Variants in SNX2 observed in about 807,000 individuals in gnomAD.
The protein encoded by SNX2 is sorting nexin 2, also known as sorting nexin-2.
SNX2 carries 25 observed loss-of-function variants against 69.9 expected under a neutral mutation model. That is an observed-to-expected ratio of 0.36 (90% CI 0.26 to 0.50). The LOEUF (loss-of-function observed/expected upper bound fraction) is 0.50, where lower values mean the gene tolerates loss of function less well. Ranked by LOEUF, SNX2 falls within the 20% of genes least tolerant of loss-of-function variation. The pLI is 0.97. For missense variants in SNX2, 551 were observed against 613.3 expected (o/e 0.90, Z 1.07); for synonymous variants, 229 against 200.4 (o/e 1.14, Z -1.20).
chr5:122,786,156 A>C (rs1435389291), intron 1 of SNX2, among the ~76,000 whole-genome samples: 2 of 152,110 alleles, frequency 1.3e-5, no homozygotes, highest in East Asian at 3.8e-4. Context: ...TGAAGTTTAC[A>C]CCCTCTGATG....
intron 11 of SNX2, among the ~76,000 whole-genome samples, chr5:122,820,629 C>G (rs1376758025): frequency 6.6e-6 from 1 of 152,100 alleles, no homozygotes; most frequent in African/African-American, 2.4e-5. Flanking sequence ...ATATTGATCC[C>G]TCAAAAATAG....
intron 1 of SNX2, among the ~76,000 whole-genome samples, chr5:122,793,126 A>T (rs1753283238): frequency 6.6e-6 from 1 of 152,200 alleles, no homozygotes; most frequent in Non-Finnish European, 1.5e-5. Context: ...TCTTAGGTTT[A>T]TACAAACATT....
chr5:122,799,548 C>T, intron 2 of SNX2, 144 bp from the exon 3 acceptor site: 4 of 515,542 alleles, frequency 7.8e-6, no homozygotes, highest in South Asian at 4.3e-5. Flanking sequence ...CATAAAATTC[C>T]TTTGTGATAA....
rs187786586 is a variant in SNX2 at position 122,782,938 on chromosome 5, T to A, written c.108+7727T>A. ...TGTTTTTTGTTTTGTTTCTTTGTTT[T>A]TGTTTTTTGTTTTTGTTGAGATGGA... On this transcript the variant is annotated intron_variant, in intron 1 of 14. Coordinates refer to ENST00000379516, the MANE Select transcript of SNX2 (RefSeq NM_003100.4). Among the ~76,000 whole-genome samples the A allele has an allele frequency of 2.8e-4, 42 of 152,040 alleles. No homozygotes were observed. The East Asian group carries it at 5.0e-3, about 18-fold the overall frequency.
intron 1 of SNX2, among the ~76,000 whole-genome samples, chr5:122,790,640 T>G (rs541729269): frequency 6.6e-6 from 1 of 152,244 alleles, no homozygotes; most frequent in East Asian, 1.9e-4. Context: ...GACAGTTCAC[T>G]TTGGTTGGGC....
intron 2 of SNX2, among the ~76,000 whole-genome samples, chr5:122,796,827 C>T (rs1753389599): frequency 6.6e-6 from 1 of 152,056 alleles, no homozygotes; most frequent in South Asian, 2.1e-4. Context: ...TGTTTGTGTA[C>T]ATGCAAGGTT....
intron 1 of SNX2, among the ~76,000 whole-genome samples, chr5:122,787,219 A>G (rs538390538): frequency 7.9e-5 from 12 of 152,264 alleles, no homozygotes; most frequent in Admixed American, 2.0e-4. Context: ...TGCAACCTTT[A>G]AAGATTAACA....
intron 1 of SNX2, among the ~76,000 whole-genome samples, chr5:122,787,134 A>G (rs1003610054): frequency 5.9e-5 from 9 of 152,176 alleles, no homozygotes; most frequent in Admixed American, 3.9e-4. Context: ...TCCATCCACT[A>G]GAAAATAGCT....
intron 11 of SNX2, among the ~76,000 whole-genome samples, chr5:122,825,421 C>T (rs1754129879): frequency 6.6e-6 from 1 of 151,914 alleles, no homozygotes; most frequent in South Asian, 2.1e-4. Flanking sequence ...ATTTGGTTGA[C>T]TTATTGTATT....
intron 7 of SNX2, among the ~76,000 whole-genome samples, chr5:122,814,440 T>C (rs867947107): frequency 1.3e-5 from 2 of 152,212 alleles, no homozygotes; most frequent in African/African-American, 2.4e-5. Flanking sequence ...TAATGACTTC[T>C]TATGTGGGCT....
intron 1 of SNX2, chr5:122,775,748 TG>T (rs1752842649): frequency 2.0e-6 from 2 of 985,524 alleles, no homozygotes; most frequent in Non-Finnish European, 2.4e-6. Flanking sequence ...GCTTCTGATT[TG>T]GACTGTTAAA....
intron 11 of SNX2, among the ~76,000 whole-genome samples, chr5:122,822,914 C>T (rs951527618): frequency 3.9e-5 from 6 of 152,200 alleles, no homozygotes; most frequent in South Asian, 2.1e-4. Context: ...GGGGTTTAAA[C>T]GCTTTATTCT....
At chr5:122,798,784 T>C (rs1753443319) in intron 2 of SNX2, among the ~76,000 whole-genome samples, 1 of 152,200 alleles carries the variant, frequency 6.6e-6, no homozygotes, top group South Asian at 2.1e-4. Flanking sequence ...CCCATTTCAG[T>C]CTTCTCAGAT....
intron 6 of SNX2, among the ~76,000 whole-genome samples, chr5:122,804,754 A>G (rs1366991952): frequency 6.6e-6 from 1 of 152,232 alleles, no homozygotes; most frequent in Non-Finnish European, 1.5e-5. Context: ...CCTACCATTA[A>G]AAGACATCTG....
chr5:122,789,845 T>G (rs771877527), intron 1 of SNX2, among the ~76,000 whole-genome samples: 1 of 152,258 alleles, frequency 6.6e-6, no homozygotes, highest in Non-Finnish European at 1.5e-5. Context: ...TGTCAGAATT[T>G]GTTTACTTTT....
In SNX2 at chr5:122,829,808, A is replaced by T; in HGVS notation, c.*160A>T. The T allele has an allele frequency of 1.3e-5, 7 of 534,680 alleles. No homozygotes were observed. Among genetic ancestry groups the T allele is most frequent in the African/African-American group, 2.0e-5 (1 of 48,820 alleles). 33.1% of individuals were successfully genotyped at this position (534,680 alleles called of 1,614,324 possible). ...CACACACACACACACACACACACAC[A>T]CACTCTGACATTTTATTACAAGCTG... On this transcript the variant is annotated 3_prime_UTR_variant, in exon 15 of 15. Transcript: ENST00000379516.
chr5:122,783,811 G>GC (rs1190007015), intron 1 of SNX2, among the ~76,000 whole-genome samples: 3 of 152,048 alleles, frequency 2.0e-5, no homozygotes, highest in African/African-American at 7.2e-5. Flanking sequence ...GAAAAATCCT[G>GC]CTGAGATTTT....
At chr5:122,795,881 G>A (rs1220985596) in intron 2 of SNX2, among the ~76,000 whole-genome samples, 1 of 152,112 alleles carries the variant, frequency 6.6e-6, no homozygotes, top group South Asian at 2.1e-4. Flanking sequence ...ACAGGGGCAG[G>A]ATTTGGTGTA....
At chr5:122,777,083 TC>T (rs1391520281) in intron 1 of SNX2, among the ~76,000 whole-genome samples, 1 of 152,198 alleles carries the variant, frequency 6.6e-6, no homozygotes, top group Non-Finnish European at 1.5e-5. Flanking sequence ...TAGCAGTATT[TC>T]CTAGTATACC....
Sources: gnomAD v4.1 joint callset for allele counts (sites outside exome capture counted in the v4.1 genomes callset) on GRCh38, gnomAD v4.1.1 for gene constraint, MANE v1.5 for transcripts, NCBI Gene and HGNC (gene_info 2026-07-23, HGNC 2026-07-21) for gene names.